Variants in OPN3 observed in about 807,000 individuals in gnomAD.
The protein encoded by OPN3 is opsin 3, also known as opsin-3.
OPN3 carries 29 observed loss-of-function variants against 33.8 expected under a neutral mutation model. That is an observed-to-expected ratio of 0.86 (90% CI 0.64 to 1.17). The LOEUF (loss-of-function observed/expected upper bound fraction) is 1.17. Ranked by LOEUF, OPN3 falls within the 50% of genes most tolerant of loss-of-function variation. The pLI is 0.00. For synonymous variants in OPN3, 216 were observed against 216.1 expected (o/e 1.00, Z 0.00); for missense variants, 437 against 514.1 (o/e 0.85, Z 1.45).
In OPN3 at chr1:241,594,187, G is replaced by A; in HGVS notation, c.*241C>T. 1 of 443,160 alleles carries A rather than the reference G, an allele frequency of 2.3e-6. No individual in the cohort carries two copies. The highest frequency in any genetic ancestry group is 3.5e-5 in the East Asian group (1 of 28,326). 27.5% of individuals were successfully genotyped at this position (443,160 alleles called of 1,614,324 possible). On this transcript the variant is annotated 3_prime_UTR_variant, in exon 4 of 4. Transcript: ENST00000366554. ...AACACATTAGAAGATGATGATGTTA[G>A]ATGCCCATCGTGTGCCACAAGTGGT...
At chr1:241,630,187 C>T (rs1664574004) in intron 1 of OPN3, 1 of 151,998 alleles carries the variant, frequency 6.6e-6, no homozygotes, top group South Asian at 2.1e-4. Context: ...CAAGAGTATA[C>T]AACTGGTAAG....
At chr1:241,624,376 C>T (rs1558443654) in intron 1 of OPN3, among the ~76,000 whole-genome samples, 1 of 152,232 alleles carries the variant, frequency 6.6e-6, no homozygotes. Flanking sequence ...CCTGTTTCTG[C>T]TATTCTTCCT....
intron 1 of OPN3, among the ~76,000 whole-genome samples, chr1:241,610,490 T>A (rs1216208616): frequency 6.6e-6 from 1 of 152,190 alleles, no homozygotes; most frequent in African/African-American, 2.4e-5. Flanking sequence ...GGATACAGTA[T>A]GTATAAAAGC....
chr1:241,593,945 C>A lies in OPN3; in HGVS notation c.*483G>T, dbSNP rs550696432. 1.8e-4 allele frequency: 28 copies of A among 154,700 alleles called. No individual in the cohort carries two copies. Among genetic ancestry groups the A allele is most frequent in the Non-Finnish European group, 2.4e-4 (17 of 69,584 alleles). 9.6% of individuals were successfully genotyped at this position (154,700 alleles called of 1,614,324 possible). On this transcript the variant is annotated 3_prime_UTR_variant, in exon 4 of 4. Transcript: ENST00000366554. ...CTTTTGTTTCCAACAAGAGGATTTT[C>A]TTTTTCATTCTAGAATTATCTCCTT...
At chr1:241,600,229 T>A (rs1482172662) in intron 2 of OPN3, among the ~76,000 whole-genome samples, 1 of 152,256 alleles carries the variant, frequency 6.6e-6, no homozygotes, top group African/African-American at 2.4e-5. Flanking sequence ...AGATATTGAC[T>A]AATGTTTTAG....
intron 1 of OPN3, among the ~76,000 whole-genome samples, chr1:241,616,342 G>T (rs971606398): frequency 2.0e-5 from 3 of 152,102 alleles, no homozygotes; most frequent in African/African-American, 7.2e-5. Flanking sequence ...CCTTCGCATA[G>T]CATGCTGGCT....
At chr1:241,630,056 T>TG (rs1175430536) in intron 1 of OPN3, 3 of 152,122 alleles carry the variant, frequency 2.0e-5, no homozygotes, top group African/African-American at 7.2e-5. Flanking sequence ...TGTCACATAT[T>TG]GGCATTTCTT....
At chr1:241,639,773 G>A in intron 1 of OPN3, 109 bp downstream of exon 1, 13 of 1,089,930 alleles carry the variant, frequency 1.2e-5, no homozygotes, top group Non-Finnish European at 1.6e-5. Context: ...GCGCGGGGCC[G>A]AGCGGGAAGC....
chr1:241,598,054 G>C, intron 2 of OPN3, 57 bp from the exon 3 acceptor site: 1 of 1,563,894 alleles, frequency 6.4e-7, no homozygotes, highest in Non-Finnish European at 8.6e-7. Context: ...GGTTTCTTTT[G>C]TTGTTTTTAT....
At chr1:241,633,582 C>T in intron 1 of OPN3, 1 of 580,082 alleles carries the variant, frequency 1.7e-6, no homozygotes, top group Admixed American at 3.5e-5. Context: ...TCATATAGCC[C>T]ATTCTAAACA....
At chr1:241,639,094 T>C (rs909265404) in intron 1 of OPN3, 3 of 152,252 alleles carry the variant, frequency 2.0e-5, no homozygotes, top group East Asian at 1.9e-4. Context: ...TCTTCCATAA[T>C]AAGAGTACTG....
At chr1:241,628,297 C>T (rs938295878) in intron 1 of OPN3, among the ~76,000 whole-genome samples, 1 of 152,100 alleles carries the variant, frequency 6.6e-6, no homozygotes. Flanking sequence ...AACATTCCAA[C>T]AGAATGTTTG....
chr1:241,596,719 C>T (rs1663522277), intron 3 of OPN3, among the ~76,000 whole-genome samples: 1 of 152,202 alleles, frequency 6.6e-6, no homozygotes, highest in African/African-American at 2.4e-5. Flanking sequence ...TTTAAATTCT[C>T]TGAAACGTAG....
chr1:241,606,071 G>A (rs1490284649), intron 1 of OPN3, among the ~76,000 whole-genome samples: 4 of 152,108 alleles, frequency 2.6e-5, no homozygotes, highest in African/African-American at 9.7e-5. Context: ...GGAGGCCATG[G>A]AAACCAACTT....
chr1:241,638,099 C>G (rs581508), intron 1 of OPN3, among the ~76,000 whole-genome samples: 55,225 of 151,734 alleles, frequency 0.36, 10,334 homozygotes, highest in East Asian at 0.53. Context: ...CCCCCCAGGG[C>G]TTAAGTCTCG....
chr1:241,605,441 T>G (rs12030661), intron 1 of OPN3, among the ~76,000 whole-genome samples: 99,187 of 151,836 alleles, frequency 0.65, 32,626 homozygotes, highest in Middle Eastern at 0.73. Context: ...GCTTGCATGG[T>G]CTTCACGTGT....
At position 241,627,944 on chromosome 1, in the gene OPN3, T is replaced by C. The variant is rs117260090; in HGVS notation, c.373+11938A>G. On this transcript the variant is annotated intron_variant, in intron 1 of 3. Transcript: ENST00000366554. ...ATACTTCCTCTCCCTAAGCCCTTGA[T>C]GTCCTGGGCTTCTAGACCCAATCCC... Among the ~76,000 whole-genome samples the C allele has an allele frequency of 1.7e-4, 26 of 152,320 alleles. No homozygotes were observed. The East Asian group carries it at 5.0e-3, about 29-fold the overall frequency.
chr1:241,634,737 C>T, intron 1 of OPN3: 1 of 1,613,898 alleles, frequency 6.2e-7, no homozygotes, highest in Non-Finnish European at 8.5e-7. Flanking sequence ...GATGTCATTG[C>T]AATTGAGTGC....
intron 1 of OPN3, among the ~76,000 whole-genome samples, chr1:241,609,415 A>G (rs1367976333): frequency 6.6e-6 from 1 of 152,194 alleles, no homozygotes; most frequent in Non-Finnish European, 1.5e-5. Flanking sequence ...TGCCGCCACT[A>G]AAGGGTGACT....
Sources: allele counts gnomAD v4.1 joint callset (sites outside exome capture counted in the v4.1 genomes callset), GRCh38; gene constraint gnomAD v4.1.1; transcripts MANE v1.5; gene names NCBI Gene and HGNC (gene_info 2026-07-23, HGNC 2026-07-21).